The following PCM1 variants were observed in gnomAD, a reference collection of about 807,000 sequenced individuals.
PCM1 encodes pericentriolar material 1 protein.
Under a neutral mutation model 241.9 loss-of-function variants are expected in PCM1, and 157 were observed. That is an observed-to-expected ratio of 0.65 (90% CI 0.57 to 0.74). The LOEUF is 0.74. PCM1 is among the 30% of genes least tolerant of loss of function. The probability of loss-of-function intolerance (pLI) is 0.00; values close to 1 mark genes in which losing one functional copy is unlikely to be tolerated. For synonymous variants in PCM1, 1,085 were observed against 784.9 expected (o/e 1.38, Z -6.39); for missense variants, 3,478 against 2,360.1 (o/e 1.47, Z -9.81).
chr8:18,025,991 C>T (rs887066170), intron 38 of PCM1, among the ~76,000 whole-genome samples: 17 of 151,230 alleles, frequency 1.1e-4, no homozygotes, highest in Admixed American at 2.0e-4. Flanking sequence ...GGTGAAACCC[C>T]GTCTCTACTA....
At position 17,972,620 on chromosome 8, in the gene PCM1, T is replaced by C. The variant is rs2077214287; in HGVS notation, c.3876T>C (p.Asp1292=). 3 of 1,587,566 alleles carry C rather than the reference T, an allele frequency of 1.9e-6. No homozygotes were observed. The highest frequency in any genetic ancestry group is 2.6e-6 in the Non-Finnish European group (3 of 1,171,212). ...ASAQASLASK[D]KTPKSKSKKR... is the part of the protein sequence containing the mutation. ...CACAGGCCAGCCTGGCATCTAAAGATAAAACTCCCAAGTCAAAAAGTAAGA... is the reference window on the plus strand; with the variant it reads ...CACAGGCCAGCCTGGCATCTAAAGACAAAACTCCCAAGTCAAAAAGTAAGA... The change falls in exon 23 of 39, where the codon GAT becomes GAC. Residue 1292 remains aspartate, a synonymous_variant. Coordinates refer to ENST00000325083, the MANE Select transcript of PCM1 (RefSeq NM_006197.4).
At chr8:17,967,282 G>A (rs2075227809) in intron 21 of PCM1, 112 bp downstream of exon 21, 3 of 664,190 alleles carry the variant, frequency 4.5e-6, no homozygotes, top group East Asian at 6.4e-5. Context: ...GGTAGGAAAT[G>A]TTTGCAAAGA....
rs2077178810 is a variant in PCM1 at position 17,972,500 on chromosome 8, G to C, written c.3756G>C (p.Gln1252His). 6.2e-7 allele frequency: 1 copy of C among 1,613,914 alleles called. No individual in the cohort carries two copies. Among genetic ancestry groups the C allele is most frequent in the East Asian group, 2.2e-5 (1 of 44,876 alleles). The change falls in exon 23 of 39, where the codon CAG becomes CAC. Residue 1252 changes from glutamine to histidine, a missense_variant. By Grantham distance (24) the Gln-to-His change is conservative. Coordinates refer to ENST00000325083, the MANE Select transcript of PCM1 (RefSeq NM_006197.4). Reference sequence around the variant, plus strand: ...TAGATACAAACGGAAGAAGACGCCAGTTTGATGAAGAATCACTGGAAAGCT... The same window carrying C: ...TAGATACAAACGGAAGAAGACGCCACTTTGATGAAGAATCACTGGAAAGCT... ...NQLDTNGRRRQFDEESLESFS... is the reference protein window; with the variant it reads ...NQLDTNGRRRHFDEESLESFS...
At chr8:17,990,744 A>G (rs1045834025) in intron 27 of PCM1, among the ~76,000 whole-genome samples, 1 of 152,176 alleles carries the variant, frequency 6.6e-6, no homozygotes, top group African/African-American at 2.4e-5. Context: ...TCACGTGATG[A>G]AGAGAAGACT....
intron 15 of PCM1, among the ~76,000 whole-genome samples, chr8:17,961,341 C>T (rs576262297): frequency 1.0e-3 from 114 of 108,844 alleles, no homozygotes; most frequent in Admixed American, 1.5e-3. Context: ...GACGGAGTCT[C>T]GCTCTGTGGC....
intron 36 of PCM1, chr8:18,015,561 T>C (rs2093069301): frequency 1.3e-5 from 2 of 152,222 alleles, no homozygotes; most frequent in South Asian, 4.1e-4. Flanking sequence ...GCAAATAATT[T>C]ATTTTACTTC....
chr8:17,934,298 G>C lies in PCM1; in HGVS notation c.-22-1291G>C, dbSNP rs1052636779. Among the ~76,000 whole-genome samples, 22 of 148,998 alleles carry C rather than the reference G, an allele frequency of 1.5e-4. No homozygotes were observed. In the East Asian group the frequency reaches 3.5e-3, roughly 24 times the overall value. On this transcript the variant is annotated intron_variant, in intron 2 of 38. Coordinates refer to ENST00000325083, the MANE Select transcript of PCM1 (RefSeq NM_006197.4). ...TTTTTTTTGAGATGGTTTTTTGCTA[G>C]TCACCCAGGCTGGAGTGCAGTGGTG...
intron 36 of PCM1, among the ~76,000 whole-genome samples, chr8:18,018,095 G>C (rs1309184843): frequency 6.6e-6 from 1 of 152,214 alleles, no homozygotes; most frequent in Admixed American, 6.5e-5. Flanking sequence ...TTCCAATCAA[G>C]TTCAGAGAAT....
chr8:17,963,742 A>C (rs764241733), intron 17 of PCM1, among the ~76,000 whole-genome samples: 3 of 152,176 alleles, frequency 2.0e-5, no homozygotes, highest in Non-Finnish European at 4.4e-5. Flanking sequence ...CCATATTTAG[A>C]ATATTTCTAA....
chr8:17,962,917 A>T (rs1286228841), intron 16 of PCM1, 184 bp from the exon 17 acceptor site: 7 of 485,352 alleles, frequency 1.4e-5, no homozygotes, highest in Admixed American at 4.0e-5. Flanking sequence ...AAAAAAAAAA[A>T]TTGGCTGATT....
intron 36 of PCM1, among the ~76,000 whole-genome samples, chr8:18,017,936 C>A (rs758198117): frequency 2.0e-5 from 3 of 152,122 alleles, no homozygotes; most frequent in Non-Finnish European, 4.4e-5. Flanking sequence ...TGGTATGTTA[C>A]TCTCCATAAG....
In PCM1 at chr8:17,969,717, A is replaced by G. The variant is rs2076211481; in HGVS notation, c.3553A>G (p.Ser1185Gly). The change falls in exon 22 of 39, where the codon AGC becomes GGC. Residue 1185 changes from serine to glycine, a missense_variant. Coordinates refer to ENST00000325083, the MANE Select transcript of PCM1 (RefSeq NM_006197.4). ...TATGGCTTTTCCAAAACCTTTTGAA[A>G]GCAGTTCCTCTATTGGAGCAGAGAA... The part of the protein sequence containing the change: ...EYMAFPKPFE[S>G]SSSIGAEKPR... 6.2e-7 allele frequency: 1 copy of G among 1,609,224 alleles called. No homozygotes were observed. Among genetic ancestry groups the G allele is most frequent in the Non-Finnish European group, 8.5e-7 (1 of 1,178,452 alleles).
In PCM1 at chr8:17,937,176, A is replaced by G; in HGVS notation, c.139A>G (p.Lys47Glu). The change falls in exon 4 of 39, where the codon AAG (lysine) becomes GAG (glutamate). Residue 47 changes from lysine to glutamate, a missense_variant. Transcript: ENST00000325083. ...QQKKANRSSE[K>E]NKKKFGVESD... is the part of the protein sequence containing the mutation. ...GAAGAAAGCAAATAGATCATCAGAA[A>G]AGAATAAGAAAAAGTTTGGTGTAGA... 1 of 1,584,140 alleles carries G rather than the reference A, an allele frequency of 6.3e-7. No homozygotes were observed. The highest frequency in any genetic ancestry group is 1.1e-5 in the South Asian group (1 of 87,108).
intron 25 of PCM1, 57 bp downstream of exon 25, chr8:17,985,676 C>T: frequency 7.6e-7 from 1 of 1,309,260 alleles, no homozygotes; most frequent in South Asian, 1.3e-5. Context: ...TCATGATTAT[C>T]TCTGGTTGCT....
At chr8:17,936,273 A>G (rs1237899115) in intron 3 of PCM1, among the ~76,000 whole-genome samples, 1 of 152,182 alleles carries the variant, frequency 6.6e-6, no homozygotes, top group African/African-American at 2.4e-5. Flanking sequence ...AGGTGTAAGT[A>G]GTGTAACAGG....
chr8:18,015,858 C>T (rs952910027), intron 36 of PCM1: 2 of 152,198 alleles, frequency 1.3e-5, no homozygotes, highest in African/African-American at 4.8e-5. Context: ...TTTCAGGCTC[C>T]ACAGTTTGTG....
At chr8:17,992,617 T>TTC (rs1320112676) in intron 28 of PCM1, among the ~76,000 whole-genome samples, 3 of 150,906 alleles carry the variant, frequency 2.0e-5, no homozygotes, top group African/African-American at 7.3e-5. Flanking sequence ...CTACTTTTTT[T>TTC]TTTTTTTTTT....
At chr8:17,938,617 C>G (rs1032747037) in intron 4 of PCM1, 123 bp from the exon 5 acceptor site, 4 of 663,500 alleles carry the variant, frequency 6.0e-6, no homozygotes, top group Non-Finnish European at 1.1e-5. Flanking sequence ...GGTCTTAGTG[C>G]AAAGCTCTTT....
At chr8:18,002,064 CTTTTTTT>C (rs1208413264) in intron 29 of PCM1, among the ~76,000 whole-genome samples, 2 of 10,128 alleles carry the variant, frequency 2.0e-4, no homozygotes, top group East Asian at 1.7e-3. Context: ...TTTTTTTTTT[CTTTTTTT>C]TTTTTTCTTT....
Sources: allele counts gnomAD v4.1 joint callset (sites outside exome capture counted in the v4.1 genomes callset), GRCh38; gene constraint gnomAD v4.1.1; transcripts MANE v1.5; gene names NCBI Gene and HGNC (gene_info 2026-07-23, HGNC 2026-07-21).